CCSER1: variants seen among roughly 807,000 people sequenced by gnomAD.
CCSER1 encodes coiled-coil serine rich protein 1, also known as serine-rich coiled-coil domain-containing protein 1.
A neutral mutation model predicts 82.0 loss-of-function variants in CCSER1; 41 were observed. That is an observed-to-expected ratio of 0.50 (90% CI 0.39 to 0.65). The LOEUF is 0.65. Ranked by LOEUF, CCSER1 falls within the 30% of genes least tolerant of loss-of-function variation. CCSER1 has a pLI of 0.00. For missense variants in CCSER1, 1,119 were observed against 1,064.2 expected, an observed-to-expected ratio of 1.05 and a Z score of -0.72; for synonymous variants, 414 against 383.9, an observed-to-expected ratio of 1.08 and a Z score of -0.92.
At chr4:91,123,995 G>A (rs1581600325) in intron 10 of CCSER1, among the ~76,000 whole-genome samples, 1 of 151,632 alleles carries the variant, frequency 6.6e-6, no homozygotes, top group South Asian at 2.1e-4. Context: ...TATCCACTGT[G>A]AGCAGGACAC....
At chr4:90,809,730 T>TA (rs913183650) in intron 7 of CCSER1, among the ~76,000 whole-genome samples, 65 of 126,366 alleles carry the variant, frequency 5.1e-4, no homozygotes, top group East Asian at 3.3e-3. Context: ...AATAATAAGG[T>TA]AAAAAAAAAA....
chr4:91,599,323 G>A lies in CCSER1; in HGVS notation c.*266G>A, dbSNP rs140819001. The A allele has an allele frequency of 4.6e-4, 148 of 318,602 alleles. No homozygotes were observed. The East Asian group carries it at 7.5e-3, about 16-fold the overall frequency. The allele number at this position is 318,602 out of a possible 1,614,324, so 19.7% of individuals were successfully genotyped here. On this transcript the variant is annotated 3_prime_UTR_variant, in exon 11 of 11. Coordinates refer to ENST00000509176, the MANE Select transcript of CCSER1 (RefSeq NM_001145065.2). ...TATAATAAATGGGACCATCATGATC[G>A]TTTATATAGTCCATAATTTATTTAT...
intron 4 of CCSER1, among the ~76,000 whole-genome samples, chr4:90,429,227 G>C (rs1047364776): frequency 3.3e-5 from 5 of 151,658 alleles, no homozygotes; most frequent in African/African-American, 1.2e-4. Flanking sequence ...TTCAAAATTA[G>C]GGTCAAATGT....
chr4:91,388,593 C>A (rs1425915970), intron 10 of CCSER1, among the ~76,000 whole-genome samples: 3 of 152,126 alleles, frequency 2.0e-5, no homozygotes, highest in Admixed American at 6.6e-5. Context: ...CGATTTTGGC[C>A]ATTCTTATAG....
intron 10 of CCSER1, among the ~76,000 whole-genome samples, chr4:91,568,333 ATCT>A (rs1762995247): frequency 6.6e-6 from 1 of 151,884 alleles, no homozygotes; most frequent in South Asian, 2.1e-4. Context: ...CTTGGGGGTA[ATCT>A]TCTTGTGTAG....
At chr4:90,936,424 T>A (rs1381377669) in intron 9 of CCSER1, among the ~76,000 whole-genome samples, 5 of 152,186 alleles carry the variant, frequency 3.3e-5, no homozygotes, top group African/African-American at 1.2e-4. Context: ...TACTATTTCC[T>A]TGCAGTTGTC....
At chr4:91,429,266 C>G (rs1458439857) in intron 10 of CCSER1, among the ~76,000 whole-genome samples, 2 of 151,788 alleles carry the variant, frequency 1.3e-5, no homozygotes, top group African/African-American at 4.8e-5. Context: ...CTTGACTGAT[C>G]GTTTTTGATA....
At chr4:91,176,295 T>G (rs1353342125) in intron 10 of CCSER1, among the ~76,000 whole-genome samples, 1 of 152,232 alleles carries the variant, frequency 6.6e-6, no homozygotes, top group Non-Finnish European at 1.5e-5. Context: ...TAGGATTTTC[T>G]TGGCAATGTG....
chr4:90,386,574 C>T lies in CCSER1; in HGVS notation c.1510-13462C>T, dbSNP rs1578215334. Among the ~76,000 whole-genome samples the T allele has an allele frequency of 2.6e-5, 4 of 152,182 alleles. No individual in the cohort carries two copies. The East Asian group carries it at 7.7e-4, about 29-fold the overall frequency. On this transcript the variant is annotated intron_variant, in intron 3 of 10. Transcript: ENST00000509176. ...ATTCTAAAAGGAAACTTAGGAAAAA[C>T]TCTTCAGGACAATGACCTACACCAA...
intron 1 of CCSER1, among the ~76,000 whole-genome samples, chr4:90,182,501 C>T (rs1733906933): frequency 6.6e-6 from 1 of 152,076 alleles, no homozygotes; most frequent in Non-Finnish European, 1.5e-5. Flanking sequence ...GTGAAGGAAG[C>T]ATTACAGGAT....
intron 10 of CCSER1, among the ~76,000 whole-genome samples, chr4:91,317,665 T>G (rs1016165090): frequency 2.6e-5 from 4 of 151,812 alleles, no homozygotes; most frequent in African/African-American, 9.7e-5. Flanking sequence ...TTACTGAAGC[T>G]CATAACTGAA....
At chr4:90,541,489 A>G (rs1776107956) in intron 5 of CCSER1, among the ~76,000 whole-genome samples, 1 of 152,102 alleles carries the variant, frequency 6.6e-6, no homozygotes, top group Admixed American at 6.6e-5. Context: ...AAGTTACTTA[A>G]CAACTATGAA....
At chr4:90,960,576 A>G (rs1382835306) in intron 9 of CCSER1, among the ~76,000 whole-genome samples, 1 of 152,168 alleles carries the variant, frequency 6.6e-6, no homozygotes, top group Non-Finnish European at 1.5e-5. Flanking sequence ...TCCCCAGCTC[A>G]GACAGATTTA....
chr4:90,281,613 T>C (rs1728876123), intron 1 of CCSER1, among the ~76,000 whole-genome samples: 1 of 151,942 alleles, frequency 6.6e-6, no homozygotes, highest in Non-Finnish European at 1.5e-5. Context: ...AATAAGAAAA[T>C]AAAGGTGAAA....
intron 8 of CCSER1, among the ~76,000 whole-genome samples, chr4:90,881,979 G>T (rs1222852649): frequency 1.3e-5 from 2 of 151,752 alleles, no homozygotes; most frequent in African/African-American, 4.8e-5. Flanking sequence ...AGTTGCTCTT[G>T]GCCTGAAGAA....
intron 1 of CCSER1, among the ~76,000 whole-genome samples, chr4:90,205,034 A>G (rs1560793800): frequency 6.6e-6 from 1 of 152,196 alleles, no homozygotes; most frequent in Non-Finnish European, 1.5e-5. Flanking sequence ...TGATTTTCAC[A>G]CGTTGATTTT....
intron 4 of CCSER1, among the ~76,000 whole-genome samples, chr4:90,408,020 C>T (rs375786164): frequency 3.3e-5 from 5 of 152,174 alleles, no homozygotes; most frequent in East Asian, 1.9e-4. Context: ...CCTACGTCCA[C>T]GGAGCCTCAC....
chr4:90,409,318 A>C lies in CCSER1; in HGVS notation c.1603+9189A>C, dbSNP rs544045305. 1.7e-4 allele frequency among the ~76,000 whole-genome samples: 26 copies of C among 152,202 alleles called. 1 individual carries two copies. In the East Asian group the frequency reaches 5.0e-3, roughly 30 times the overall value. ...ATCCTCGAGAAGAGCAACTCCAAGA[A>C]ACATAATTGTCAGATTCACCAAAGT... On this transcript the variant is annotated intron_variant, in intron 4 of 10. Transcript: ENST00000509176.
At chr4:90,353,746 T>G (rs1743915324) in intron 3 of CCSER1, among the ~76,000 whole-genome samples, 1 of 152,200 alleles carries the variant, frequency 6.6e-6, no homozygotes, top group South Asian at 2.1e-4. Flanking sequence ...GAAAGCACTC[T>G]CCTCCTCTGT....
Sources: gnomAD v4.1 joint callset for allele counts (sites outside exome capture counted in the v4.1 genomes callset) on GRCh38, gnomAD v4.1.1 for gene constraint, MANE v1.5 for transcripts, NCBI Gene and HGNC (gene_info 2026-07-23, HGNC 2026-07-21) for gene names.